Variants in GPSM1 observed in about 807,000 individuals in gnomAD.
GPSM1 encodes G protein signaling modulator 1.
GPSM1 carries 48 observed loss-of-function variants against 70.5 expected under a neutral mutation model. That is an observed-to-expected ratio of 0.68 (90% CI 0.54 to 0.87). The LOEUF is 0.87. GPSM1 is among the 40% of genes least tolerant of loss of function. GPSM1 has a pLI of 0.00. For missense variants in GPSM1, 981 were observed against 972.6 expected, an observed-to-expected ratio of 1.01 and a Z score of -0.11; for synonymous variants, 416 against 430.1, an observed-to-expected ratio of 0.97 and a Z score of 0.41.
chr9:136,332,659 G>A (rs1315749666), intron 1 of GPSM1, among the ~76,000 whole-genome samples: 1 of 152,108 alleles, frequency 6.6e-6, no homozygotes, highest in Admixed American at 6.6e-5. Context: ...TTGTCATGGC[G>A]ACGGTGGGCT....
chr9:136,338,416 G>A (rs1459898331), intron 6 of GPSM1, 139 bp from the exon 7 acceptor site: 42 of 774,476 alleles, frequency 5.4e-5, no homozygotes, highest in Middle Eastern at 2.5e-4. Context: ...TGTGAGGGTG[G>A]GGATGAAGCT....
chr9:136,329,346 G>A (rs1832050358), intron 1 of GPSM1, among the ~76,000 whole-genome samples: 1 of 152,244 alleles, frequency 6.6e-6, no homozygotes, highest in Non-Finnish European at 1.5e-5. Flanking sequence ...TTGGGCAGGC[G>A]GTTCCTGGTC....
chr9:136,352,202 T>C (rs1832687601), intron 11 of GPSM1, among the ~76,000 whole-genome samples: 1 of 41,798 alleles, frequency 2.4e-5, no homozygotes, highest in Non-Finnish European at 4.6e-5. Flanking sequence ...ACACCGATGC[T>C]GCGCCGTTGC....
At chr9:136,335,931 C>G (rs1832222283) in intron 2 of GPSM1, 35 bp from the exon 3 acceptor site, 1 of 1,606,356 alleles carries the variant, frequency 6.2e-7, no homozygotes, top group Admixed American at 1.7e-5. Context: ...CTGACCAGTC[C>G]TCAGCCTGAC....
Position 136,334,498 on chromosome 9 carries a change from G to A in GPSM1, c.120G>A (p.Lys40=), listed in dbSNP as rs372170559. The part of the protein sequence containing the change: ...ELALEGERLC[K]AGDFKTGVAF... ...CGCTGGAGGGCGAGCGTCTGTGCAAGGCGGGCGACTTCAAGACAGGCGTGG... is the reference window on the plus strand; with the variant it reads ...CGCTGGAGGGCGAGCGTCTGTGCAAAGCGGGCGACTTCAAGACAGGCGTGG... The change falls in exon 2 of 14, where the codon AAG becomes AAA. Residue 40 remains lysine (K), a synonymous_variant. Coordinates refer to ENST00000440944, the MANE Select transcript of GPSM1 (RefSeq NM_001145638.3). 1.2e-6 allele frequency: 2 copies of A among 1,613,256 alleles called. No homozygotes were observed. Among genetic ancestry groups the A allele is most frequent in the East Asian group, 4.5e-5 (2 of 44,890 alleles).
rs550505241 is a variant in GPSM1, at chr9:136,336,836, G to C, written c.427-85G>C. The C allele has an allele frequency of 4.0e-4, 537 of 1,344,598 alleles. 1 individual carries two copies. Among genetic ancestry groups the C allele is most frequent in the Non-Finnish European group, 2.4e-4 (236 of 984,384 alleles). The allele number at this position is 1,344,598 out of a possible 1,614,324, so 83.3% of individuals were successfully genotyped here. ...CAAGGCCCTCGCTGTCGAGGGCTGG[G>C]ACAGTGAGGACACCGGTGTGCCGGC... On this transcript the variant is annotated intron_variant, in intron 3 of 13. Transcript: ENST00000440944.
At chr9:136,357,903 G>A (rs573816807) in intron 13 of GPSM1, 111 bp from the exon 14 acceptor site, 2 of 789,102 alleles carry the variant, frequency 2.5e-6, no homozygotes, top group East Asian at 2.9e-5. Flanking sequence ...TGGGTGGACA[G>A]GGGGAAGCCC....
At chr9:136,329,612 G>T (rs1183862754) in intron 1 of GPSM1, among the ~76,000 whole-genome samples, 3 of 152,164 alleles carry the variant, frequency 2.0e-5, no homozygotes, top group Non-Finnish European at 4.4e-5. Context: ...ATGTGGATGG[G>T]GCTCCAGGTT....
chr9:136,333,221 G>T (rs1388376733), intron 1 of GPSM1, among the ~76,000 whole-genome samples: 3 of 152,200 alleles, frequency 2.0e-5, no homozygotes, highest in African/African-American at 7.2e-5. Flanking sequence ...GCTCTCCGGG[G>T]GCACCCTGCA....
intron 9 of GPSM1, among the ~76,000 whole-genome samples, chr9:136,347,588 C>T (rs1353016367): frequency 3.9e-5 from 6 of 152,238 alleles, no homozygotes; most frequent in African/African-American, 1.4e-4. Context: ...GCTGCCCTTT[C>T]CACAGTGGCT....
rs373672547 is a variant in GPSM1 at position 136,355,776 on chromosome 9, T to C, written c.1542T>C (p.Arg514=). 6 of 1,612,198 alleles carry C rather than the reference T, an allele frequency of 3.7e-6. No homozygotes were observed. The highest frequency in any genetic ancestry group is 5.1e-6 in the Non-Finnish European group (6 of 1,179,454). Reference sequence around the variant, plus strand: ...AGAGCAGCCGCATGGACGACCAGCGTTGTCCCCTGGACGATGGCCAGGCCG... The same window carrying C: ...AGAGCAGCCGCATGGACGACCAGCGCTGTCCCCTGGACGATGGCCAGGCCG... The part of the protein sequence containing the change: ...KFQSSRMDDQ[R]CPLDDGQAGA... The change falls in exon 12 of 14, where the codon CGT becomes CGC. Residue 514 remains arginine, a synonymous_variant. Coordinates refer to ENST00000440944, the MANE Select transcript of GPSM1 (RefSeq NM_001145638.3).
chr9:136,339,887 C>A, intron 8 of GPSM1, 72 bp downstream of exon 8: 1 of 915,686 alleles, frequency 1.1e-6, no homozygotes, highest in Non-Finnish European at 1.7e-6. Flanking sequence ...TCCCCTCTGC[C>A]CCGAGCGAGC....
intron 11 of GPSM1, chr9:136,354,755 C>A: frequency 1.1e-6 from 1 of 914,040 alleles, no homozygotes; most frequent in Non-Finnish European, 1.3e-6. Flanking sequence ...GACTGAGGCC[C>A]AGGGCGGGGT....
rs115935826 is a variant in GPSM1, at chr9:136,337,575, C to T, written c.702+11C>T. ...ACCTTCCACAAGGAGGTGAGCCGGG[C>T]AGGGTGACAGGGTGGAGGGGCCGGG... On this transcript the variant is annotated intron_variant, in intron 5 of 13. Transcript: ENST00000440944. 595 of 1,553,200 alleles carry T rather than the reference C, an allele frequency of 3.8e-4. 4 individuals are homozygous for T. The African/African-American group carries it at 7.2e-3, about 19-fold the overall frequency.
chr9:136,337,077 G>C lies in GPSM1; in HGVS notation c.578+5G>C. 1 of 1,550,092 alleles carries C rather than the reference G, an allele frequency of 6.5e-7. No individual in the cohort carries two copies. The highest frequency in any genetic ancestry group is 8.7e-7 in the Non-Finnish European group (1 of 1,146,790). On this transcript the variant is annotated splice_donor_5th_base_variant and intron_variant, in intron 4 of 13. Transcript: ENST00000440944. ...CAAGGCCTCCGAGTTCTACGAGTGA[G>C]TGGGGCAGGGCCAGCCCAGGGACCG...
At chr9:136,334,310 A>C (rs1554768838) in intron 1 of GPSM1, 137 bp from the exon 2 acceptor site, 1 of 650,376 alleles carries the variant, frequency 1.5e-6, no homozygotes, top group Non-Finnish European at 2.7e-6. Flanking sequence ...CCAAAGAGAC[A>C]CTTAGGTCTG....
chr9:136,348,565 C>T, intron 9 of GPSM1, 132 bp from the exon 10 acceptor site: 1 of 618,286 alleles, frequency 1.6e-6, no homozygotes, highest in East Asian at 2.8e-5. Context: ...ATGGCGCTCG[C>T]CTCCACAAGG....
At chr9:136,354,563 G>C (rs1285203247) in intron 11 of GPSM1, among the ~76,000 whole-genome samples, 1 of 152,262 alleles carries the variant, frequency 6.6e-6, no homozygotes, top group Non-Finnish European at 1.5e-5. Flanking sequence ...GCTGGGGCCG[G>C]GCAGGGGCTG....
In GPSM1 at chr9:136,355,698, G is replaced by A. The variant is rs782278785; in HGVS notation, c.1464G>A (p.Pro488=). 10 of 1,612,106 alleles carry A rather than the reference G, an allele frequency of 6.2e-6. No homozygotes were observed. The highest frequency in any genetic ancestry group is 1.7e-4 in the Middle Eastern group (1 of 6,054). Residue 488 remains proline (P), a synonymous_variant, in exon 12 of 14, where the codon CCG becomes CCA. Transcript: ENST00000440944. ...VRVHVPRTSI[P]RAPSSDEECF... is the part of the protein sequence containing the mutation. Reference sequence around the variant, plus strand: ...CCCCACTCCCTCCCCAGAGCATCCCGAGGGCCCCGTCTTCGGACGAGGAGT... The same window carrying A: ...CCCCACTCCCTCCCCAGAGCATCCCAAGGGCCCCGTCTTCGGACGAGGAGT...
Sources: allele counts gnomAD v4.1 joint callset (sites outside exome capture counted in the v4.1 genomes callset), GRCh38; gene constraint gnomAD v4.1.1; transcripts MANE v1.5; gene names NCBI Gene and HGNC (gene_info 2026-07-23, HGNC 2026-07-21).